Variants in TLK1 observed in about 807,000 individuals in gnomAD.
TLK1 encodes serine/threonine-protein kinase tousled-like 1.
Under a neutral mutation model 105.3 loss-of-function variants are expected in TLK1, and 24 were observed. That is an observed-to-expected ratio of 0.23 (90% CI 0.17 to 0.32). The LOEUF (loss-of-function observed/expected upper bound fraction) is 0.32, where lower values mean the gene tolerates loss of function less well. TLK1 is among the 10% of genes least tolerant of loss of function. The pLI is 1.00. For synonymous variants in TLK1, 321 were observed against 310.4 expected, an observed-to-expected ratio of 1.03 and a Z score of -0.36; for missense variants, 558 against 910.5, an observed-to-expected ratio of 0.61 and a Z score of 4.98.
intron 2 of TLK1, among the ~76,000 whole-genome samples, chr2:171,103,758 C>T (rs1227890638): frequency 6.6e-6 from 1 of 152,076 alleles, no homozygotes; most frequent in Non-Finnish European, 1.5e-5. Flanking sequence ...TTCTTTTTCT[C>T]CTTCTCTTTT....
intron 1 of TLK1, among the ~76,000 whole-genome samples, chr2:171,118,160 A>G (rs538637067): frequency 4.6e-5 from 7 of 152,304 alleles, no homozygotes; most frequent in Non-Finnish European, 8.8e-5. Flanking sequence ...TCTTACTGCA[A>G]TGCAGTAGTA....
At chr2:171,144,269 A>G (rs1383700106) in intron 1 of TLK1, among the ~76,000 whole-genome samples, 2 of 152,204 alleles carry the variant, frequency 1.3e-5, no homozygotes, top group African/African-American at 4.8e-5. Flanking sequence ...AATGAATAGA[A>G]CTAGGCAGAA....
intron 1 of TLK1, among the ~76,000 whole-genome samples, chr2:171,184,218 C>T (rs1250864205): frequency 6.6e-6 from 1 of 152,098 alleles, no homozygotes; most frequent in East Asian, 1.9e-4. Context: ...CCTAGAGAAT[C>T]CAAAAAGCAG....
At chr2:171,162,517 G>A (rs1056872077), upstream of TLK1, among the ~76,000 whole-genome samples, 3 of 152,282 alleles carry the variant, frequency 2.0e-5, no homozygotes, top group South Asian at 4.1e-4. Flanking sequence ...CAGCCTGGGC[G>A]ACAGAGCGAG....
At chr2:171,163,941 G>A (rs550730396), upstream of TLK1, among the ~76,000 whole-genome samples, 3 of 152,240 alleles carry the variant, frequency 2.0e-5, no homozygotes, top group South Asian at 6.2e-4. Flanking sequence ...GCCCAGGGTG[G>A]TCTCAAACTC....
At chr2:171,161,223 A>T (rs928931654), upstream of TLK1, among the ~76,000 whole-genome samples, 2 of 150,608 alleles carry the variant, frequency 1.3e-5, no homozygotes, top group Non-Finnish European at 3.0e-5. Flanking sequence ...CTCGGGCTCC[A>T]GCGCCGCTGC....
intron 18 of TLK1, among the ~76,000 whole-genome samples, chr2:170,998,085 TCTATCTAC>T (rs71008740): frequency 0.32 from 35,225 of 108,556 alleles, 4,489 homozygotes; most frequent in South Asian, 0.45. Context: ...TATCTATCTA[TCTATCTAC>T]CTACCTACCT....
intron 1 of TLK1, among the ~76,000 whole-genome samples, chr2:171,223,991 G>C (rs1225634334): frequency 6.6e-6 from 1 of 152,014 alleles, no homozygotes; most frequent in Non-Finnish European, 1.5e-5. Context: ...TTTGTTGCCT[G>C]TGCTTTTGAG....
intron 1 of TLK1, among the ~76,000 whole-genome samples, chr2:171,217,003 T>C (rs1255237782): frequency 6.6e-6 from 1 of 152,220 alleles, no homozygotes; most frequent in Admixed American, 6.5e-5. Flanking sequence ...ACTCAGTGTG[T>C]AGCACTTTTT....
At chr2:171,048,187 GATC>G (rs1687049785) in intron 10 of TLK1, among the ~76,000 whole-genome samples, 1 of 127,466 alleles carries the variant, frequency 7.8e-6, no homozygotes, top group Non-Finnish European at 1.8e-5. Flanking sequence ...AACCTCAGGT[GATC>G]CTCCCAACTC....
intron 1 of TLK1, among the ~76,000 whole-genome samples, chr2:171,120,270 A>AAAGG (rs1575609117): frequency 6.6e-6 from 1 of 151,040 alleles, no homozygotes; most frequent in East Asian, 1.9e-4. Flanking sequence ...AAAAAAAAAA[A>AAAGG]AAGGAAGGAA....
chr2:171,094,924 A>G (rs1304312167), intron 2 of TLK1, among the ~76,000 whole-genome samples: 1 of 152,110 alleles, frequency 6.6e-6, no homozygotes, highest in African/African-American at 2.4e-5. Context: ...TAAATTTTCT[A>G]AAGGGGGAGA....
At chr2:171,027,030 TATAGC>T (rs1450736644) in intron 12 of TLK1, among the ~76,000 whole-genome samples, 3 of 152,136 alleles carry the variant, frequency 2.0e-5, no homozygotes, top group Non-Finnish European at 4.4e-5. Flanking sequence ...CATAGACAGA[TATAGC>T]ATATTAAAGG....
At chr2:171,015,517 T>C (rs1312257175) in intron 12 of TLK1, among the ~76,000 whole-genome samples, 1 of 149,072 alleles carries the variant, frequency 6.7e-6, no homozygotes, top group African/African-American at 2.5e-5. Context: ...AATTTATAGA[T>C]TGCTGTAGTA....
chr2:171,130,283 T>C (rs1461549684), intron 1 of TLK1, among the ~76,000 whole-genome samples: 1 of 152,160 alleles, frequency 6.6e-6, no homozygotes, highest in Non-Finnish European at 1.5e-5. Context: ...GTGCCTGTAG[T>C]CTCAGCTACT....
At chr2:171,072,800 G>A (rs1191071789) in intron 3 of TLK1, among the ~76,000 whole-genome samples, 3 of 151,360 alleles carry the variant, frequency 2.0e-5, no homozygotes, top group Non-Finnish European at 4.4e-5. Flanking sequence ...GCAGTGGTTC[G>A]CTCCTGTAAT....
intron 1 of TLK1, among the ~76,000 whole-genome samples, chr2:171,187,160 G>T (rs1693047267): frequency 6.6e-6 from 1 of 151,150 alleles, no homozygotes; most frequent in Non-Finnish European, 1.5e-5. Flanking sequence ...GTTGGTCCAG[G>T]TAAGAGTAAT....
intron 1 of TLK1, among the ~76,000 whole-genome samples, chr2:171,227,398 A>G (rs1253981598): frequency 6.6e-6 from 1 of 152,116 alleles, no homozygotes; most frequent in African/African-American, 2.4e-5. Flanking sequence ...CTTCTGGAAT[A>G]TTTGCTACAA....
intron 1 of TLK1, among the ~76,000 whole-genome samples, chr2:171,207,029 C>A (rs1693519719): frequency 6.6e-6 from 1 of 152,216 alleles, no homozygotes; most frequent in Admixed American, 6.5e-5. Context: ...ACCATACAGT[C>A]TAGCAATCAT....
Sources: gnomAD v4.1 joint callset for allele counts (sites outside exome capture counted in the v4.1 genomes callset) on GRCh38, gnomAD v4.1.1 for gene constraint, MANE v1.5 for transcripts, NCBI Gene and HGNC (gene_info 2026-07-23, HGNC 2026-07-21) for gene names.